TTC17: variants seen among roughly 807,000 people sequenced by gnomAD.
The protein encoded by TTC17 is tetratricopeptide repeat protein 17.
TTC17 carries 58 observed loss-of-function variants against 143.8 expected under a neutral mutation model. The ratio of observed to expected loss-of-function variants is 0.40; its 90% CI spans 0.33 to 0.50. The LOEUF is 0.50. TTC17 is among the 20% of genes least tolerant of loss of function. The pLI is 0.49. For missense variants in TTC17, 1,273 were observed against 1,392.5 expected (o/e 0.91, Z 1.37); for synonymous variants, 501 against 497.8 (o/e 1.01, Z -0.09).
rs577584716 is a variant in TTC17, at chr11:43,372,593, C to T, written c.160-6640C>T. ...GCAACCTCCACCTCCCGGATTCAAG[C>T]GATTCTCCTGCCTCAGCCTCCCAAG... On this transcript the variant is annotated intron_variant, in intron 1 of 23. Coordinates refer to ENST00000039989, the MANE Select transcript of TTC17 (RefSeq NM_018259.6). Among the ~76,000 whole-genome samples, 32 of 152,036 alleles carry T rather than the reference C, an allele frequency of 2.1e-4. No individual in the cohort carries two copies. The South Asian group carries it at 6.0e-3, about 29-fold the overall frequency.
intron 15 of TTC17, among the ~76,000 whole-genome samples, chr11:43,413,822 GTC>G (rs1342429765): frequency 6.6e-6 from 1 of 152,116 alleles, no homozygotes; most frequent in Non-Finnish European, 1.5e-5. Context: ...ACAATACAGA[GTC>G]TCTGAATTCT....
intron 21 of TTC17, among the ~76,000 whole-genome samples, chr11:43,459,043 G>C (rs991188432): frequency 2.0e-5 from 3 of 152,138 alleles, no homozygotes; most frequent in Admixed American, 2.0e-4. Flanking sequence ...ATTCCCCTCA[G>C]ATAAGAGAGA....
chr11:43,423,985 A>C (rs1039976547), intron 16 of TTC17, among the ~76,000 whole-genome samples: 1 of 152,206 alleles, frequency 6.6e-6, no homozygotes, highest in Non-Finnish European at 1.5e-5. Flanking sequence ...TTTTAGAGCT[A>C]TTAGATATAG....
intron 21 of TTC17, among the ~76,000 whole-genome samples, chr11:43,452,331 C>T (rs1329318508): frequency 1.8e-4 from 27 of 152,104 alleles, no homozygotes; most frequent in Admixed American, 1.7e-3. Context: ...GAAACCCCAT[C>T]TCTACTAAAA....
In TTC17 at chr11:43,404,083, A is replaced by T; in HGVS notation, c.1418A>T (p.Lys473Met). ...CAGAGTGATATCAATGATTCGGTCA[A>T]GTCTTCTCCCGTAGCCCATTCTATT... ...SNQSDINDSV[K>M]SSPVAHSILW... is the part of the protein sequence containing the mutation. The change falls in exon 11 of 24, where the codon AAG becomes ATG. Residue 473 changes from lysine to methionine, a missense_variant. By Grantham distance (95) the Lys-to-Met change is moderately conservative. Around this residue, in one of 3 missense-constraint regions of TTC17, gnomAD observed 878 missense variants for 899.8 expected, o/e 0.98. Transcript: ENST00000039989. 6.2e-7 allele frequency: 1 copy of T among 1,613,492 alleles called. No individual in the cohort carries two copies. Among genetic ancestry groups the T allele is most frequent in the Non-Finnish European group, 8.5e-7 (1 of 1,179,660 alleles).
At chr11:43,420,090 T>C (rs1394389728) in intron 16 of TTC17, among the ~76,000 whole-genome samples, 2 of 152,236 alleles carry the variant, frequency 1.3e-5, no homozygotes, top group African/African-American at 2.4e-5. Context: ...ATCTTTAACA[T>C]GTATTTAACA....
At chr11:43,481,043 A>G (rs141615463) in intron 21 of TTC17, among the ~76,000 whole-genome samples, 41 of 24,972 alleles carry the variant, frequency 1.6e-3, no homozygotes, top group African/African-American at 4.3e-3. Flanking sequence ...ACCAGGTACA[A>G]ACTAATAAAA....
At chr11:43,403,048 A>G (rs1466759615) in intron 10 of TTC17, among the ~76,000 whole-genome samples, 1 of 151,374 alleles carries the variant, frequency 6.6e-6, no homozygotes, top group African/African-American at 2.4e-5. Flanking sequence ...GCTCCCAGCA[A>G]TATCTCATGT....
At chr11:43,414,547 ATAT>A (rs1946733202) in intron 15 of TTC17, 40 bp from the exon 16 acceptor site, 1 of 1,570,128 alleles carries the variant, frequency 6.4e-7, no homozygotes, top group Admixed American at 2.0e-5. Flanking sequence ...CTCCCAGAAA[ATAT>A]TAGTTCATTA....
intron 10 of TTC17, among the ~76,000 whole-genome samples, chr11:43,403,670 G>A (rs141861726): frequency 7.1e-6 from 1 of 141,148 alleles, no homozygotes; most frequent in African/African-American, 2.5e-5. Context: ...GGAAGAAAAG[G>A]GGAATAATGA....
chr11:43,446,195 A>T (rs1249153185), intron 18 of TTC17: 1 of 1,293,230 alleles, frequency 7.7e-7, no homozygotes, highest in Non-Finnish European at 9.8e-7. Flanking sequence ...TGCACATGCT[A>T]TTCCCTCTGC....
At chr11:43,411,569 T>C (rs529718510) in intron 15 of TTC17, among the ~76,000 whole-genome samples, 1 of 152,340 alleles carries the variant, frequency 6.6e-6, no homozygotes, top group South Asian at 2.1e-4. Flanking sequence ...GTATCCTCAA[T>C]GTTCAAAACT....
intron 21 of TTC17, among the ~76,000 whole-genome samples, chr11:43,488,815 CT>C (rs993265366): frequency 1.1e-4 from 17 of 152,176 alleles, no homozygotes; most frequent in Admixed American, 1.0e-3. Flanking sequence ...ATCCTCCTGC[CT>C]CAGCCTCCTA....
intron 12 of TTC17, 33 bp downstream of exon 12, chr11:43,405,662 T>C: frequency 6.2e-7 from 1 of 1,612,150 alleles, no homozygotes. Context: ...AAGCACCTGA[T>C]TCTGCATGAT....
At chr11:43,374,061 T>C (rs1363026198) in intron 1 of TTC17, among the ~76,000 whole-genome samples, 1 of 152,186 alleles carries the variant, frequency 6.6e-6, no homozygotes, top group Non-Finnish European at 1.5e-5. Flanking sequence ...GCAGAGTATC[T>C]AACAGATACT....
intron 16 of TTC17, among the ~76,000 whole-genome samples, chr11:43,418,385 A>G (rs1320621589): frequency 6.6e-6 from 1 of 151,884 alleles, no homozygotes; most frequent in Non-Finnish European, 1.5e-5. Context: ...TTACTTGCCC[A>G]CTCTTGAATT....
chr11:43,414,587 C>T lies in TTC17; in HGVS notation c.2065-3C>T. 2 of 1,573,516 alleles carry T rather than the reference C, an allele frequency of 1.3e-6. No individual in the cohort carries two copies. The highest frequency in any genetic ancestry group is 2.0e-5 in the Admixed American group (1 of 49,744). On this transcript the variant is annotated splice_region_variant and splice_polypyrimidine_tract_variant and intron_variant, in intron 15 of 23. Transcript: ENST00000039989. ...CATTTTGCCGATTTTTTTTTCTTTT[C>T]AGCCTCTGACCTTTTTGAGCCTGGG...
In TTC17 at chr11:43,396,703, C is replaced by T. The variant is rs775496077; in HGVS notation, c.664-6C>T. ...GTGTTTGTAATTTTACTTTTTTAAT[C>T]TCTAGAACACTTCCTCGTGGGTACT... is the stretch of plus-strand genomic sequence containing the variant. On this transcript the variant is annotated splice_region_variant and splice_polypyrimidine_tract_variant and intron_variant, in intron 5 of 23. Coordinates refer to ENST00000039989, the MANE Select transcript of TTC17 (RefSeq NM_018259.6). The T allele has an allele frequency of 1.3e-6, 2 of 1,532,460 alleles. No homozygotes were observed. Among genetic ancestry groups the T allele is most frequent in the South Asian group, 1.2e-5 (1 of 82,230 alleles). The allele number at this position is 1,532,460 out of a possible 1,614,324, so 94.9% of individuals were successfully genotyped here.
rs528875367 is a variant in TTC17, at chr11:43,459,760, T to C, written c.3030+8495T>C. On this transcript the variant is annotated intron_variant, in intron 21 of 23. Transcript: ENST00000039989. ...AGCTATATGCATTCAGTAGCAACCA[T>C]ACTTCAAGTACCCATACAACCATTC... 7.8e-4 allele frequency among the ~76,000 whole-genome samples: 119 copies of C among 152,376 alleles called. No homozygotes were observed. The South Asian group carries it at 0.012, about 15-fold the overall frequency.
Sources: gnomAD v4.1 joint callset for allele counts (sites outside exome capture counted in the v4.1 genomes callset) on GRCh38, gnomAD v4.1.1 for gene constraint, gnomAD v4.1.1 regional missense constraint, MANE v1.5 for transcripts, NCBI Gene and HGNC (gene_info 2026-07-23, HGNC 2026-07-21) for gene names.